PPCDC: variants seen among roughly 807,000 people sequenced by gnomAD.
The protein encoded by PPCDC is phosphopantothenoylcysteine decarboxylase.
A neutral mutation model predicts 20.7 loss-of-function variants in PPCDC; 20 were observed. The ratio of observed to expected loss-of-function variants is 0.97; its 90% CI spans 0.68 to 1.41. The LOEUF is 1.41. Ranked by LOEUF, PPCDC falls within the 40% of genes most tolerant of loss-of-function variation. The pLI, the probability that PPCDC is intolerant of heterozygous loss-of-function variation, is 0.00. For missense variants in PPCDC, 246 were observed against 263.8 expected, an observed-to-expected ratio of 0.93 and a Z score of 0.47; for synonymous variants, 88 against 100.3, an observed-to-expected ratio of 0.88 and a Z score of 0.73.
Position 75,048,519 on chromosome 15 carries a change from A to G in PPCDC, c.361-34A>G, listed in dbSNP as rs775519835. ...CGGTGGGGAGGGTGGCAGACAGAGT[A>G]GCAAGACCCCCACTTCCCTGGCCTT... is the stretch of plus-strand genomic sequence containing the variant. On this transcript the variant is annotated intron_variant, in intron 4 of 5. Transcript: ENST00000342932. The G allele has an allele frequency of 7.5e-6, 12 of 1,603,060 alleles. No homozygotes were observed. In the East Asian group the frequency reaches 2.0e-4, roughly 27 times the overall value.
At chr15:75,030,157 C>G (rs1198242713) in intron 2 of PPCDC, among the ~76,000 whole-genome samples, 1 of 152,216 alleles carries the variant, frequency 6.6e-6, no homozygotes, top group Non-Finnish European at 1.5e-5. Context: ...GGGAGGGCTC[C>G]CCGACTCAGC....
intron 3 of PPCDC, 57 bp downstream of exon 3, chr15:75,043,593 C>T (rs2066183268): frequency 7.0e-7 from 1 of 1,424,416 alleles, no homozygotes; most frequent in Non-Finnish European, 9.7e-7. Flanking sequence ...CAGGACAGAA[C>T]AGTCCTCCCT....
intron 2 of PPCDC, among the ~76,000 whole-genome samples, chr15:75,041,179 C>A (rs916065783): frequency 2.6e-5 from 4 of 152,224 alleles, no homozygotes; most frequent in Admixed American, 2.6e-4. Context: ...CCGCCCTGCC[C>A]TGCTCTCCCA....
At chr15:75,025,636 C>T (rs2065951158) in intron 1 of PPCDC, among the ~76,000 whole-genome samples, 1 of 152,194 alleles carries the variant, frequency 6.6e-6, no homozygotes, top group Non-Finnish European at 1.5e-5. Flanking sequence ...GTAATCAAAG[C>T]GTGTAGCCCT....
At chr15:75,033,004 T>C (rs1412591166) in intron 2 of PPCDC, among the ~76,000 whole-genome samples, 1 of 152,116 alleles carries the variant, frequency 6.6e-6, no homozygotes, top group Non-Finnish European at 1.5e-5. Context: ...GATTTTGCTA[T>C]GTTGCCCAGG....
intron 1 of PPCDC, among the ~76,000 whole-genome samples, chr15:75,027,472 G>T (rs1332580252): frequency 6.6e-6 from 1 of 152,160 alleles, no homozygotes; most frequent in Non-Finnish European, 1.5e-5. Flanking sequence ...CCTGGGCTTT[G>T]ATTTGTACGG....
intron 1 of PPCDC, among the ~76,000 whole-genome samples, chr15:75,024,976 T>C (rs1424420482): frequency 9.9e-5 from 15 of 151,596 alleles, no homozygotes. Context: ...CAGGCTGGAG[T>C]GCAGTGGCAC....
At chr15:75,043,903 A>G (rs2066188031) in intron 3 of PPCDC, among the ~76,000 whole-genome samples, 2 of 152,084 alleles carry the variant, frequency 1.3e-5, no homozygotes, top group Admixed American at 6.5e-5. Flanking sequence ...GCTCTGCTGC[A>G]TCTCCCCTGC....
chr15:75,030,452 T>A (rs2066008154), intron 2 of PPCDC, among the ~76,000 whole-genome samples: 1 of 152,224 alleles, frequency 6.6e-6, no homozygotes, highest in South Asian at 2.1e-4. Flanking sequence ...GTTCACCTGC[T>A]CTTGTGGAGG....
chr15:75,046,601 G>T (rs906373194), intron 4 of PPCDC, among the ~76,000 whole-genome samples: 1 of 152,232 alleles, frequency 6.6e-6, no homozygotes, highest in East Asian at 1.9e-4. Context: ...GTTTTCCCTC[G>T]AAGTCACAAA....
rs1483274108 is a variant in PPCDC at position 75,044,451 on chromosome 15, G to A, written c.297G>A (p.Leu99=). The change falls in exon 4 of 6, where the codon CTG becomes CTA. Residue 99 remains leucine (L), a synonymous_variant. Transcript: ENST00000342932. ...TGCGGAGGTGGGCAGACCTCCTGCT[G>A]GTGGCTCCTCTTGATGCCAACACTC... ...IDLRRWADLL[L]VAPLDANTLG... 3 of 1,614,210 alleles carry A rather than the reference G, an allele frequency of 1.9e-6. No individual in the cohort carries two copies. In the East Asian group the frequency reaches 6.7e-5, roughly 36 times the overall value.
intron 2 of PPCDC, among the ~76,000 whole-genome samples, chr15:75,038,050 T>A (rs902881488): frequency 1.3e-5 from 2 of 152,126 alleles, no homozygotes; most frequent in Non-Finnish European, 2.9e-5. Context: ...TAGATTGGGA[T>A]CACTAGGAAC....
At position 75,050,197 on chromosome 15, in the gene PPCDC, A is replaced by G. The variant is rs1679955080; in HGVS notation, c.*962A>G. On this transcript the variant is annotated 3_prime_UTR_variant, in exon 6 of 6. Transcript: ENST00000342932. ...AAAGGAAATCCTGGATGCTAAGTTGACACATCCCTTTATGCAAGTGACAGG... is the reference window on the plus strand; with the variant it reads ...AAAGGAAATCCTGGATGCTAAGTTGGCACATCCCTTTATGCAAGTGACAGG... The G allele has an allele frequency of 1.3e-5, 2 of 152,234 alleles. No homozygotes were observed. The highest frequency in any genetic ancestry group is 1.3e-4 in the Admixed American group (2 of 15,290). 9.4% of individuals were successfully genotyped at this position (152,234 alleles called of 1,614,324 possible).
chr15:75,028,850 T>C (rs2065988527), intron 2 of PPCDC, among the ~76,000 whole-genome samples: 1 of 152,160 alleles, frequency 6.6e-6, no homozygotes, highest in Non-Finnish European at 1.5e-5. Context: ...CCTTGAACAC[T>C]GCGGCTGTGT....
intron 4 of PPCDC, among the ~76,000 whole-genome samples, chr15:75,045,584 C>A (rs1244504712): frequency 6.6e-6 from 1 of 152,076 alleles, no homozygotes; most frequent in Non-Finnish European, 1.5e-5. Context: ...GATTAGTGTT[C>A]TTGTATACTT....
chr15:75,042,005 C>T (rs993464480), intron 2 of PPCDC, among the ~76,000 whole-genome samples: 2 of 152,208 alleles, frequency 1.3e-5, no homozygotes, highest in African/African-American at 4.8e-5. Flanking sequence ...AATGTGTGTC[C>T]AGCAGCGCCT....
chr15:75,047,014 A>G (rs1007644345), intron 4 of PPCDC, among the ~76,000 whole-genome samples: 10 of 152,246 alleles, frequency 6.6e-5, no homozygotes, highest in African/African-American at 2.4e-4. Context: ...TGAACACAGC[A>G]CTGGCCAAAG....
At chr15:75,042,473 A>T (rs1595909474) in intron 2 of PPCDC, among the ~76,000 whole-genome samples, 1 of 152,104 alleles carries the variant, frequency 6.6e-6, no homozygotes, top group South Asian at 2.1e-4. Flanking sequence ...CAACATGGTG[A>T]AAAACCTCGT....
At chr15:75,033,327 G>A (rs1400397980) in intron 2 of PPCDC, among the ~76,000 whole-genome samples, 1 of 152,128 alleles carries the variant, frequency 6.6e-6, no homozygotes, top group African/African-American at 2.4e-5. Flanking sequence ...AAGGTTTGCC[G>A]ACCCCTGGTA....
Sources: allele counts gnomAD v4.1 joint callset (sites outside exome capture counted in the v4.1 genomes callset), GRCh38; gene constraint gnomAD v4.1.1; transcripts MANE v1.5; gene names NCBI Gene and HGNC (gene_info 2026-07-23, HGNC 2026-07-21).